ERBB4: variants seen among roughly 807,000 people sequenced by gnomAD.
ERBB4 encodes the protein receptor tyrosine-protein kinase erbB-4.
A neutral mutation model predicts 158.0 loss-of-function variants in ERBB4; 42 were observed. The observed-to-expected ratio is 0.27, with a 90% CI of 0.21 to 0.34. The LOEUF (loss-of-function observed/expected upper bound fraction) is 0.34, where lower values mean the gene tolerates loss of function less well. ERBB4 is among the 10% of genes least tolerant of loss of function. ERBB4 has a pLI of 1.00. For missense variants in ERBB4, 1,333 were observed against 1,624.1 expected (o/e 0.82, Z 3.08); for synonymous variants, 583 against 558.7 (o/e 1.04, Z -0.61).
At chr2:212,240,662 A>AAAAAAAAAAAAAAAACAAAAAC (rs1559823282) in intron 1 of ERBB4, among the ~76,000 whole-genome samples, 1 of 147,358 alleles carries the variant, frequency 6.8e-6, no homozygotes, top group African/African-American at 2.5e-5. Context: ...AAAAAAAAAA[A>AAAAAAAAAAAAAAAACAAAAAC]AAAAACAGAA....
intron 1 of ERBB4, among the ~76,000 whole-genome samples, chr2:212,236,883 GTCTATCTA>G (rs565524945): frequency 2.0e-5 from 3 of 152,112 alleles, no homozygotes; most frequent in African/African-American, 7.2e-5. Flanking sequence ...CTGGCTAGCA[GTCTATCTA>G]TTTTGTTAAC....
intron 1 of ERBB4, among the ~76,000 whole-genome samples, chr2:212,164,341 T>A (rs2081286882): frequency 6.6e-6 from 1 of 152,064 alleles, no homozygotes; most frequent in Admixed American, 6.6e-5. Flanking sequence ...CATTTTAATA[T>A]TTTAGACATA....
intron 3 of ERBB4, among the ~76,000 whole-genome samples, chr2:211,863,870 A>G (rs1309040335): frequency 3.3e-5 from 5 of 152,212 alleles, no homozygotes; most frequent in East Asian, 1.9e-4. Flanking sequence ...GTTTCTGTGT[A>G]TTCAGTGGAA....
chr2:211,781,413 A>G (rs1259761772), intron 4 of ERBB4, among the ~76,000 whole-genome samples: 2 of 152,132 alleles, frequency 1.3e-5, no homozygotes, highest in African/African-American at 4.8e-5. Context: ...TTCAGTTGTT[A>G]GTTGGTATTT....
At chr2:211,904,837 C>T (rs1206681958) in intron 3 of ERBB4, among the ~76,000 whole-genome samples, 1 of 151,942 alleles carries the variant, frequency 6.6e-6, no homozygotes, top group Non-Finnish European at 1.5e-5. Flanking sequence ...AAGATGGGTA[C>T]TATTTTAGGT....
At chr2:211,400,419 C>T (rs950484713) in intron 25 of ERBB4, among the ~76,000 whole-genome samples, 1 of 151,936 alleles carries the variant, frequency 6.6e-6, no homozygotes, top group African/African-American at 2.4e-5. Flanking sequence ...TTTTATATAC[C>T]ACAATAAAAG....
Position 211,665,409 on chromosome 2 carries a change from A to G in ERBB4, c.1785T>C (p.Asp595=), listed in dbSNP as rs568495026. 3 of 1,614,184 alleles carry G rather than the reference A, an allele frequency of 1.9e-6. No homozygotes were observed. The highest frequency in any genetic ancestry group is 2.2e-5 in the East Asian group (1 of 44,884). The change falls in exon 15 of 28, where the codon GAT becomes GAC. Residue 595 remains aspartate (D), a synonymous_variant. Coordinates refer to ENST00000342788, the MANE Select transcript of ERBB4 (RefSeq NM_005235.3). The stretch of plus-strand genomic sequence containing the variant: ...TGAAACTGTTTGCCCCCTGTAAGCC[A>G]TCTGGACATTTTTCCACACAGTTTG... The part of the protein sequence containing the change: ...DGPNCVEKCP[D]GLQGANSFIF...
At chr2:211,950,836 TGCACC>T (rs2080855345) in intron 2 of ERBB4, among the ~76,000 whole-genome samples, 2 of 152,222 alleles carry the variant, frequency 1.3e-5, no homozygotes, top group African/African-American at 4.8e-5. Context: ...TGTTTAAAAT[TGCACC>T]GCGTGGAAAA....
chr2:211,823,722 G>C (rs1254474840), intron 3 of ERBB4, among the ~76,000 whole-genome samples: 1 of 151,938 alleles, frequency 6.6e-6, no homozygotes, highest in Admixed American at 6.6e-5. Context: ...GCTTGAAAAT[G>C]TCATTAATCA....
intron 1 of ERBB4, among the ~76,000 whole-genome samples, chr2:212,241,256 C>CAAAAATAA (rs1184480203): frequency 2.7e-5 from 4 of 149,754 alleles, no homozygotes; most frequent in African/African-American, 7.5e-5. Flanking sequence ...GGCCCTGTCT[C>CAAAAATAA]AAAAATAAAA....
chr2:211,906,702 C>T lies in ERBB4; in HGVS notation c.421+40728G>A, dbSNP rs554690260. ...TTTTTTTTCTGATCCTCTCCCTCCT[C>T]CCACCCTCTACCCTCAAGTAGGCCA... On this transcript the variant is annotated intron_variant, in intron 3 of 27. Transcript: ENST00000342788. Among the ~76,000 whole-genome samples, 552 of 151,560 alleles carry T rather than the reference C, an allele frequency of 3.6e-3. 17 individuals carry two copies. Among genetic ancestry groups the T allele is most frequent in the Non-Finnish European group, 4.3e-3 (293 of 67,880 alleles).
intron 20 of ERBB4, among the ~76,000 whole-genome samples, chr2:211,485,283 A>G (rs1371768582): frequency 6.6e-6 from 1 of 152,216 alleles, no homozygotes; most frequent in Non-Finnish European, 1.5e-5. Context: ...AGAAAGGCAT[A>G]CATAATGTAA....
intron 2 of ERBB4, among the ~76,000 whole-genome samples, chr2:211,973,650 A>C (rs1473414408): frequency 6.6e-6 from 1 of 152,256 alleles, no homozygotes. Context: ...AAACCAGTTC[A>C]GCCATTGTGG....
At chr2:212,071,636 C>T (rs538766042) in intron 2 of ERBB4, among the ~76,000 whole-genome samples, 24 of 152,014 alleles carry the variant, frequency 1.6e-4, no homozygotes, top group South Asian at 1.0e-3. Flanking sequence ...TATTTATTCA[C>T]GAGAAAGAAT....
chr2:211,934,006 ATAAT>A (rs2080244982), intron 3 of ERBB4, among the ~76,000 whole-genome samples: 1 of 152,100 alleles, frequency 6.6e-6, no homozygotes, highest in Non-Finnish European at 1.5e-5. Context: ...AATTCTGGAA[ATAAT>A]TAGTTAGAGG....
chr2:211,783,981 T>C (rs557146482), intron 4 of ERBB4, among the ~76,000 whole-genome samples: 1 of 152,338 alleles, frequency 6.6e-6, no homozygotes, highest in Non-Finnish European at 1.5e-5. Context: ...AGAATTAGAC[T>C]GTGAATCCAT....
At chr2:211,807,191 C>A (rs542087645) in intron 3 of ERBB4, among the ~76,000 whole-genome samples, 1 of 151,826 alleles carries the variant, frequency 6.6e-6, no homozygotes, top group African/African-American at 2.4e-5. Context: ...ATGTGCACAA[C>A]GTGCAGGTTT....
intron 20 of ERBB4, among the ~76,000 whole-genome samples, chr2:211,459,592 G>A (rs1313695608): frequency 6.6e-6 from 1 of 152,252 alleles, no homozygotes; most frequent in East Asian, 1.9e-4. Context: ...TAAATCTCAC[G>A]AGGTCTGATG....
At chr2:211,994,983 G>A (rs1162035990) in intron 2 of ERBB4, among the ~76,000 whole-genome samples, 1 of 152,178 alleles carries the variant, frequency 6.6e-6, no homozygotes, top group Non-Finnish European at 1.5e-5. Context: ...ATTCTCTGAT[G>A]TGGGTGTTAT....
Sources: allele counts gnomAD v4.1 joint callset (sites outside exome capture counted in the v4.1 genomes callset), GRCh38; gene constraint gnomAD v4.1.1; transcripts MANE v1.5; gene names NCBI Gene and HGNC (gene_info 2026-07-23, HGNC 2026-07-21).